TENM4: variants seen among roughly 807,000 people sequenced by gnomAD.
TENM4 encodes the protein teneurin transmembrane protein 4, also known as teneurin-4.
Under a neutral mutation model 243.3 loss-of-function variants are expected in TENM4, and 82 were observed. That is an observed-to-expected ratio of 0.34 (90% CI 0.28 to 0.40). The LOEUF (loss-of-function observed/expected upper bound fraction) is 0.40. Among genes scored for constraint, TENM4 ranks in the 10% least tolerant of loss-of-function variants. TENM4 has a pLI of 1.00. For synonymous variants in TENM4, 1,412 were observed against 1,456.3 expected (o/e 0.97, Z 0.69); for missense variants, 3,138 against 3,673.3 (o/e 0.85, Z 3.77).
rs1292653365 is a variant in TENM4, at chr11:78,669,137, T to C, written c.7208A>G (p.His2403Arg). Residue 2403 changes from histidine (H) to arginine (R), a missense_variant, in exon 32 of 34, where the codon CAT becomes CGT. By Grantham distance (29) the His-to-Arg change is conservative. This residue lies in a region of TENM4 where 2,467 missense variants were observed against 3,059.1 expected (regional missense o/e 0.81). Coordinates refer to ENST00000278550, the MANE Select transcript of TENM4 (RefSeq NM_001098816.3). This position sits in a 1 kb window ranked among gnomAD's most constrained non-coding sequence, Gnocchi z 6.4. ...NPNFQIIIGY[H>R]GGLYDPLTKL... ...GGTGAGTGGATCATAGAGGCCACCA[T>C]GGTAGCCTATGATGATCTGAAAGTT... The C allele has an allele frequency of 6.2e-7, 1 of 1,613,642 alleles. No individual in the cohort carries two copies.
At chr11:79,185,206 G>A (rs1177260508) in intron 3 of TENM4, among the ~76,000 whole-genome samples, 4 of 152,066 alleles carry the variant, frequency 2.6e-5, no homozygotes, top group South Asian at 2.1e-4. Flanking sequence ...GCTGAGGTGG[G>A]GGGATTGTTT....
At position 79,180,353 on chromosome 11, in the gene TENM4, C is replaced by G. The variant is rs1268245646; in HGVS notation, c.-162-31547G>C. Among the ~76,000 whole-genome samples the G allele has an allele frequency of 2.6e-5, 4 of 151,564 alleles. 1 individual carries two copies. Among genetic ancestry groups the G allele is most frequent in the Admixed American group, 1.3e-4 (2 of 15,194 alleles). ...CTGGAATTAGACATGGGTTTCCTCA[C>G]AGAAACCTTATGGCACATACGATCT... On this transcript the variant is annotated intron_variant, in intron 3 of 33. Transcript: ENST00000278550.
intron 7 of TENM4, among the ~76,000 whole-genome samples, chr11:78,893,942 T>C (rs1024404713): frequency 2.0e-5 from 3 of 152,182 alleles, no homozygotes; most frequent in Non-Finnish European, 2.9e-5. Flanking sequence ...TTTTTCCTAA[T>C]GCATTTTAAG....
intron 12 of TENM4, among the ~76,000 whole-genome samples, chr11:78,846,116 G>A (rs1277782363): frequency 2.0e-5 from 3 of 152,200 alleles, no homozygotes; most frequent in Non-Finnish European, 4.4e-5. Flanking sequence ...TGAGATGTAA[G>A]AGTAAGAATG....
intron 1 of TENM4, among the ~76,000 whole-genome samples, chr11:79,352,173 G>A (rs776304787): frequency 9.2e-5 from 14 of 152,160 alleles, no homozygotes; most frequent in Non-Finnish European, 1.6e-4. Flanking sequence ...ACATGCCAAT[G>A]TCTCACCCTT....
rs1857841639 is a variant in TENM4, at chr11:78,654,474, G to A, written c.*3584C>T. The A allele has an allele frequency of 6.6e-6, 1 of 152,190 alleles. No homozygotes were observed. The highest frequency in any genetic ancestry group is 2.1e-4 in the South Asian group (1 of 4,822). 9.4% of individuals were successfully genotyped at this position (152,190 alleles called of 1,614,324 possible). On this transcript the variant is annotated 3_prime_UTR_variant, in exon 34 of 34. Transcript: ENST00000278550. ...ATAAAGGTGATACTTTAAAGTTGCAGCTGCGAAGATTTGTTTTTCTTCTTT... is the reference window on the plus strand; with the variant it reads ...ATAAAGGTGATACTTTAAAGTTGCAACTGCGAAGATTTGTTTTTCTTCTTT...
intron 5 of TENM4, among the ~76,000 whole-genome samples, chr11:79,067,461 C>T (rs1480704979): frequency 1.3e-5 from 2 of 152,150 alleles, no homozygotes; most frequent in East Asian, 1.9e-4. Context: ...AAGCCACTCA[C>T]GTGTTATGAA....
intron 6 of TENM4, among the ~76,000 whole-genome samples, chr11:78,965,852 T>G (rs1048103324): frequency 1.3e-5 from 2 of 152,240 alleles, no homozygotes; most frequent in Non-Finnish European, 2.9e-5. Context: ...ATTTCCTTCC[T>G]CTTAGTCATT....
At chr11:79,244,031 C>A (rs1187748488) in intron 2 of TENM4, among the ~76,000 whole-genome samples, 1 of 152,166 alleles carries the variant, frequency 6.6e-6, no homozygotes, top group East Asian at 1.9e-4. Flanking sequence ...CCAGGACCGC[C>A]CTTTGAGCAA....
At chr11:78,802,726 T>C (rs1176193437) in intron 15 of TENM4, among the ~76,000 whole-genome samples, 6 of 152,234 alleles carry the variant, frequency 3.9e-5, no homozygotes, top group African/African-American at 1.4e-4. Flanking sequence ...AGGGTGTGTG[T>C]TGCCATGTGA....
chr11:78,740,148 G>A (rs532673988), intron 19 of TENM4, among the ~76,000 whole-genome samples: 2 of 152,256 alleles, frequency 1.3e-5, no homozygotes, highest in African/African-American at 4.8e-5. Context: ...AGCTACTGAC[G>A]AGGCCCATGG....
intron 3 of TENM4, among the ~76,000 whole-genome samples, chr11:79,168,146 G>A (rs543014911): frequency 2.0e-5 from 3 of 152,310 alleles, no homozygotes; most frequent in Middle Eastern, 3.4e-3. Context: ...TGAGTAAAGG[G>A]GATAGAACAA....
intron 1 of TENM4, among the ~76,000 whole-genome samples, chr11:79,392,377 G>A (rs986839466): frequency 1.3e-5 from 2 of 152,230 alleles, no homozygotes; most frequent in South Asian, 2.1e-4. Flanking sequence ...AGATACGCAC[G>A]TTGTGAATTG....
At chr11:79,369,526 C>T (rs543187781) in intron 1 of TENM4, among the ~76,000 whole-genome samples, 54 of 152,318 alleles carry the variant, frequency 3.5e-4, no homozygotes, top group Admixed American at 7.2e-4. Context: ...GTGAAACACT[C>T]AAACAATTGA....
intron 16 of TENM4, among the ~76,000 whole-genome samples, chr11:78,783,394 A>G (rs1856874605): frequency 6.6e-6 from 1 of 152,228 alleles, no homozygotes; most frequent in Non-Finnish European, 1.5e-5. Context: ...TATTAGTGCC[A>G]TGTAAGTAAC....
intron 12 of TENM4, among the ~76,000 whole-genome samples, chr11:78,839,850 C>T (rs1168635295): frequency 6.6e-6 from 1 of 152,038 alleles, no homozygotes; most frequent in African/African-American, 2.4e-5. Context: ...ACTTAGTGAA[C>T]ACAAAAGACA....
chr11:79,116,330 G>C (rs1171406064), intron 4 of TENM4, among the ~76,000 whole-genome samples: 1 of 152,204 alleles, frequency 6.6e-6, no homozygotes. Context: ...TAAGTAGCTT[G>C]CTCAAACTCA....
chr11:79,194,870 T>C (rs1256912174), intron 3 of TENM4, among the ~76,000 whole-genome samples: 1 of 151,904 alleles, frequency 6.6e-6, no homozygotes, highest in Non-Finnish European at 1.5e-5. Context: ...GGGAAAAATA[T>C]CTCCAGGCCA....
intron 6 of TENM4, among the ~76,000 whole-genome samples, chr11:79,026,494 T>A (rs1356931751): frequency 1.3e-5 from 2 of 152,184 alleles, no homozygotes; most frequent in Non-Finnish European, 2.9e-5. Context: ...GGAAAAGGAA[T>A]TGAGCAGGGA....
Sources: allele counts gnomAD v4.1 joint callset (sites outside exome capture counted in the v4.1 genomes callset), GRCh38; gene constraint gnomAD v4.1.1; regional missense constraint gnomAD v4.1.1; non-coding constraint Gnocchi (gnomAD v3.1); transcripts MANE v1.5; gene names NCBI Gene and HGNC (gene_info 2026-07-23, HGNC 2026-07-21).